The following RGS6 variants were observed in gnomAD, a reference collection of about 807,000 sequenced individuals.
RGS6 encodes the protein regulator of G-protein signaling 6.
A neutral mutation model predicts 78.5 loss-of-function variants in RGS6; 30 were observed. That is an observed-to-expected ratio of 0.38 (90% confidence interval 0.29 to 0.52). The LOEUF is 0.52. RGS6 is among the 20% of genes least tolerant of loss of function. The pLI is 0.85. For missense variants in RGS6, 495 were observed against 609.7 expected (o/e 0.81, Z 1.98); for synonymous variants, 206 against 206.0 (o/e 1.00, Z 0.00).
chr14:72,611,355 G>A, the RGS6 span, among the ~76,000 whole-genome samples: 1 of 152,230 alleles, frequency 6.6e-6, no homozygotes, highest in South Asian at 2.1e-4. Flanking sequence ...GCTAGGATCT[G>A]ACAAGCACCT....
chr14:72,592,764 T>C, the RGS6 span, among the ~76,000 whole-genome samples: 2 of 152,192 alleles, frequency 1.3e-5, no homozygotes, highest in African/African-American at 4.8e-5. Context: ...GCCTGGTACA[T>C]GTCTGCTATG....
intron 2 of RGS6, among the ~76,000 whole-genome samples, chr14:72,318,389 G>C (rs139343875): frequency 3.9e-5 from 6 of 152,026 alleles, no homozygotes; most frequent in African/African-American, 7.2e-5. Context: ...TCACTGACTT[G>C]AACGTTAATC....
At chr14:72,082,470 G>A (rs554591159) in intron 2 of RGS6, among the ~76,000 whole-genome samples, 40 of 152,080 alleles carry the variant, frequency 2.6e-4, no homozygotes, top group African/African-American at 9.4e-4. Flanking sequence ...ACACCTCTGA[G>A]TTTTGTATGT....
At chr14:72,466,460 T>C (rs189319313) in intron 7 of RGS6, among the ~76,000 whole-genome samples, 5 of 152,352 alleles carry the variant, frequency 3.3e-5, no homozygotes, top group Non-Finnish European at 4.4e-5. Flanking sequence ...TAATCTGTGA[T>C]AACCAAAAGC....
At chr14:72,410,356 T>C (rs2153049073) in intron 3 of RGS6, among the ~76,000 whole-genome samples, 1 of 152,390 alleles carries the variant, frequency 6.6e-6, no homozygotes, top group Non-Finnish European at 1.5e-5. Context: ...TTTGGCTGCA[T>C]AAATGTCTTC....
chr14:72,613,904 G>C, the RGS6 span, among the ~76,000 whole-genome samples: 1 of 152,156 alleles, frequency 6.6e-6, no homozygotes, highest in African/African-American at 2.4e-5. Flanking sequence ...CGCTCTGCCT[G>C]GGAGGTTGTC....
chr14:72,511,275 T>C (rs2096874977), intron 14 of RGS6, among the ~76,000 whole-genome samples: 2 of 152,282 alleles, frequency 1.3e-5, no homozygotes, highest in South Asian at 4.1e-4. Context: ...TTCAATATTG[T>C]ATTACTTTAA....
Position 72,423,869 on chromosome 14 carries a change from A to G in RGS6, c.185-30659A>G, listed in dbSNP as rs148046297. Among the ~76,000 whole-genome samples, 451 of 152,314 alleles carry G rather than the reference A, an allele frequency of 3.0e-3. 4 individuals are homozygous for G. Among genetic ancestry groups the G allele is most frequent in the African/African-American group, 0.011 (437 of 41,564 alleles). On this transcript the variant is annotated intron_variant, in intron 3 of 17. Transcript: ENST00000553525. ...ATTCCCAAATCATTTACTACATACAAATCGTTAAGTCAGGATCCCTGCTGT... is the reference window on the plus strand; with the variant it reads ...ATTCCCAAATCATTTACTACATACAGATCGTTAAGTCAGGATCCCTGCTGT...
At chr14:72,531,137 A>T (rs116676923) in intron 15 of RGS6, among the ~76,000 whole-genome samples, 3,250 of 152,304 alleles carry the variant, frequency 0.021, 116 homozygotes, top group African/African-American at 0.074. Context: ...TCTCAGAACC[A>T]GGCCACTATT....
chr14:71,962,306 G>T (rs186448842), intron 1 of RGS6, among the ~76,000 whole-genome samples: 1 of 150,706 alleles, frequency 6.6e-6, no homozygotes. Flanking sequence ...GAGGGAGGCC[G>T]GGCAGAGGGA....
intron 3 of RGS6, among the ~76,000 whole-genome samples, chr14:72,388,071 A>G (rs866332343): frequency 6.6e-6 from 1 of 152,198 alleles, no homozygotes; most frequent in Admixed American, 6.5e-5. Context: ...TCTGAGGTAC[A>G]TGGGATTAGG....
At chr14:72,007,326 G>T (rs1445257821) in intron 2 of RGS6, among the ~76,000 whole-genome samples, 2 of 152,092 alleles carry the variant, frequency 1.3e-5, no homozygotes, top group Admixed American at 1.3e-4. Context: ...ACCAAATTCA[G>T]GGCACTTTTA....
intron 2 of RGS6, among the ~76,000 whole-genome samples, chr14:72,250,230 TAAAC>T (rs1344986115): frequency 6.7e-6 from 1 of 150,096 alleles, no homozygotes; most frequent in East Asian, 2.0e-4. Context: ...CCCTAAAACT[TAAAC>T]TATAATAAAA....
chr14:72,599,856 A>C, the RGS6 span, among the ~76,000 whole-genome samples: 1 of 152,068 alleles, frequency 6.6e-6, no homozygotes, highest in Non-Finnish European at 1.5e-5. Context: ...GTGGGCTCAC[A>C]CAGGCCTCGG....
chr14:72,437,986 AG>A (rs2095016702), intron 3 of RGS6, among the ~76,000 whole-genome samples: 1 of 152,264 alleles, frequency 6.6e-6, no homozygotes, highest in Admixed American at 6.5e-5. Flanking sequence ...ACTTGGTCAT[AG>A]GGCAGAGCCA....
At chr14:72,554,834 G>A (rs1290954906) in intron 17 of RGS6, among the ~76,000 whole-genome samples, 6 of 152,230 alleles carry the variant, frequency 3.9e-5, no homozygotes, top group Admixed American at 2.0e-4. Context: ...CAACTTGGAC[G>A]CGAGACCGGG....
chr14:72,609,061 A>G, the RGS6 span, among the ~76,000 whole-genome samples: 1 of 152,254 alleles, frequency 6.6e-6, no homozygotes, highest in African/African-American at 2.4e-5. Flanking sequence ...ATTTGTTTAC[A>G]CATTCTCTAA....
chr14:72,469,761 G>A, intron 7 of RGS6: 1 of 376,982 alleles, frequency 2.7e-6, no homozygotes, highest in Non-Finnish European at 4.7e-6. Context: ...CCTTCATGAA[G>A]AGAGGAATCA....
rs576349868 is a variant in RGS6, at chr14:72,507,077, G to A, written c.966-3077G>A. The stretch of plus-strand genomic sequence containing the variant: ...CCAGCTACTCAGGAGGCTGAGGCAG[G>A]AGAATGGCGTGAACCCAGGAGGCGG... On this transcript the variant is annotated intron_variant, in intron 13 of 17. Coordinates refer to ENST00000553525, the MANE Select transcript of RGS6 (RefSeq NM_001204424.2). Among the ~76,000 whole-genome samples the A allele has an allele frequency of 4.6e-5, 7 of 151,676 alleles. No individual in the cohort carries two copies. In the South Asian group the frequency reaches 8.4e-4, roughly 18 times the overall value.
Sources: gnomAD v4.1 joint callset for allele counts (sites outside exome capture counted in the v4.1 genomes callset) on GRCh38, gnomAD v4.1.1 for gene constraint, MANE v1.5 for transcripts, NCBI Gene and HGNC (gene_info 2026-07-23, HGNC 2026-07-21) for gene names.